Variants in MTMR12 observed in about 807,000 individuals in gnomAD.
MTMR12 encodes the protein myotubularin related protein 12, also known as myotubularin-related protein 12.
In MTMR12, 33 loss-of-function variants were observed where a neutral mutation model predicts 96.7. The observed-to-expected ratio is 0.34, with a 90% CI of 0.26 to 0.46. The LOEUF (loss-of-function observed/expected upper bound fraction) is 0.46. Among genes scored for constraint, MTMR12 ranks in the 20% least tolerant of loss-of-function variants. MTMR12 has a pLI of 1.00. For missense variants in MTMR12, 721 were observed against 896.1 expected, an observed-to-expected ratio of 0.80 and a Z score of 2.49; for synonymous variants, 298 against 327.2, an observed-to-expected ratio of 0.91 and a Z score of 0.96.
At chr5:32,265,836 T>C (rs1749568542) in intron 6 of MTMR12, among the ~76,000 whole-genome samples, 1 of 152,246 alleles carries the variant, frequency 6.6e-6, no homozygotes, top group Admixed American at 6.5e-5. Flanking sequence ...CAAGACTTAT[T>C]GCTGCTATTT....
In MTMR12 at chr5:32,271,837, A is replaced by G. The variant is rs760009328; in HGVS notation, c.354T>C (p.Tyr118=). 21 of 1,569,600 alleles carry G rather than the reference A, an allele frequency of 1.3e-5. No homozygotes were observed. Among genetic ancestry groups the G allele is most frequent in the East Asian group, 2.3e-5 (1 of 43,682 alleles). ...DITLHCVDQI[Y]GVFDEKKKTL... is the part of the protein sequence containing the mutation. ...CAGGGAAAAACAGATACTTACCTCC[A>G]TAAATCTGATCAACACAGTGGAGTG... The change falls in exon 4 of 16, where the codon TAT becomes TAC. Residue 118 remains tyrosine, a synonymous_variant. Transcript: ENST00000382142.
chr5:32,273,635 T>C (rs1327111694), intron 3 of MTMR12, among the ~76,000 whole-genome samples: 1 of 151,874 alleles, frequency 6.6e-6, no homozygotes, highest in Non-Finnish European at 1.5e-5. Context: ...GGGTGAGAAA[T>C]TTCTTAACGG....
intron 13 of MTMR12, 151 bp downstream of exon 13, chr5:32,238,850 A>G (rs1349284472): frequency 1.2e-6 from 1 of 814,142 alleles, no homozygotes; most frequent in African/African-American, 1.7e-5. Flanking sequence ...ATCCAAAGTC[A>G]TCACACAATG....
intron 3 of MTMR12, 39 bp from the exon 4 acceptor site, chr5:32,271,944 A>G (rs1354028921): frequency 1.6e-6 from 2 of 1,220,390 alleles, no homozygotes; most frequent in East Asian, 5.0e-5. Context: ...ACTCCTCTGC[A>G]TACTGTTAGA....
rs1006264664 is a variant in MTMR12 at position 32,228,642 on chromosome 5, A to G, written c.*1136T>C. 9.0e-5 allele frequency: 13 copies of G among 143,968 alleles called. No homozygotes were observed. The highest frequency in any genetic ancestry group is 1.5e-4 in the Non-Finnish European group (10 of 66,562). 8.9% of individuals were successfully genotyped at this position (143,968 alleles called of 1,614,324 possible). A position where few individuals can be genotyped will look rare whatever the true frequency, so the allele number is the denominator to read the frequency against. ...GATATATATATATCACATATATATCATATATATATCATTTAGACAGCAGAT... is the reference window on the plus strand; with the variant it reads ...GATATATATATATCACATATATATCGTATATATATCATTTAGACAGCAGAT... On this transcript the variant is annotated 3_prime_UTR_variant, in exon 16 of 16. Transcript: ENST00000382142.
intron 1 of MTMR12, among the ~76,000 whole-genome samples, chr5:32,281,936 A>G (rs1750311429): frequency 6.6e-6 from 1 of 151,638 alleles, no homozygotes; most frequent in South Asian, 2.1e-4. Flanking sequence ...GAGAGGAAGG[A>G]CCTGCTTGGG....
In MTMR12 at chr5:32,228,545, C is replaced by G. The variant is rs1438632126; in HGVS notation, c.*1233G>C. 31 of 130,754 alleles carry G rather than the reference C, an allele frequency of 2.4e-4. No homozygotes were observed. Among genetic ancestry groups the G allele is most frequent in the Middle Eastern group, 4.4e-3 (1 of 228 alleles). 8.1% of individuals were successfully genotyped at this position (130,754 alleles called of 1,614,324 possible). On this transcript the variant is annotated 3_prime_UTR_variant, in exon 16 of 16. Coordinates refer to ENST00000382142, the MANE Select transcript of MTMR12 (RefSeq NM_001040446.3). ...TATATCATATATATGATATATATAT[C>G]ATATATATGTGATATATATATATCA...
chr5:32,293,143 T>C (rs1750799587), intron 1 of MTMR12, among the ~76,000 whole-genome samples: 1 of 152,160 alleles, frequency 6.6e-6, no homozygotes, highest in Non-Finnish European at 1.5e-5. Flanking sequence ...GAGATGTGTA[T>C]GGGTTCAAGT....
intron 2 of MTMR12, among the ~76,000 whole-genome samples, chr5:32,274,733 G>GAA (rs1165833329): frequency 6.6e-6 from 1 of 152,094 alleles, no homozygotes; most frequent in Non-Finnish European, 1.5e-5. Flanking sequence ...GGTTTGTGGG[G>GAA]AAAAAACGTG....
Position 32,232,789 on chromosome 5 carries a change from C to T in MTMR12, c.1674+984G>A, listed in dbSNP as rs925867549. 4.6e-5 allele frequency among the ~76,000 whole-genome samples: 7 copies of T among 152,246 alleles called. No individual in the cohort carries two copies. In the South Asian group the frequency reaches 6.2e-4, roughly 13 times the overall value. On this transcript the variant is annotated intron_variant, in intron 15 of 15. Transcript: ENST00000382142. ...AAAGGGCAAAGTGGCCATTCTGAGT[C>T]GTTCAGCAGCCAACATCGTCTCTGC...
Position 32,233,675 on chromosome 5 carries a change from G to A in MTMR12, c.1674+98C>T, listed in dbSNP as rs1748094874. The A allele has an allele frequency of 6.6e-7, 1 of 1,525,152 alleles. No homozygotes were observed. 94.5% of individuals were successfully genotyped at this position (1,525,152 alleles called of 1,614,324 possible). On this transcript the variant is annotated intron_variant, in intron 15 of 15. Coordinates refer to ENST00000382142, the MANE Select transcript of MTMR12 (RefSeq NM_001040446.3). This position sits in a 1 kb window ranked among gnomAD's most constrained non-coding sequence, Gnocchi z 5.0. The stretch of plus-strand genomic sequence containing the variant: ...TCAACTCTGCAGACTGCTTCGAGGG[G>A]TAGAAAATGCTGGCAGACAGAATCC...
chr5:32,272,121 C>A (rs974040575), intron 3 of MTMR12, among the ~76,000 whole-genome samples: 1 of 151,916 alleles, frequency 6.6e-6, no homozygotes, highest in African/African-American at 2.4e-5. Flanking sequence ...GAAACCCCAT[C>A]TCTACTAAAA....
chr5:32,248,934 A>C, intron 8 of MTMR12, 56 bp from the exon 9 acceptor site: 1 of 1,353,502 alleles, frequency 7.4e-7, no homozygotes, highest in South Asian at 1.2e-5. Context: ...AACAGGGGAC[A>C]CATAAGCTTA....
At position 32,242,117 on chromosome 5, in the gene MTMR12, TC is replaced by T; in HGVS notation, c.1110del (p.Ala373GlnfsTer2). ...SSWLDIIRRC[L>X]KKAIEITECM... is the part of the protein sequence containing the mutation. ...CATTCTGTAATCTCTATTGCTTTTT[TC>T]AGGCAACGTCTGAATAGGAAAGAGA... On this transcript the variant is annotated frameshift_variant, in exon 12 of 16. Coordinates refer to ENST00000382142, the MANE Select transcript of MTMR12 (RefSeq NM_001040446.3). LOFTEE classifies it high-confidence loss of function. 1 of 1,612,578 alleles carries T rather than the reference TC, an allele frequency of 6.2e-7. No homozygotes were observed. The highest frequency in any genetic ancestry group is 8.5e-7 in the Non-Finnish European group (1 of 1,178,920).
At position 32,270,809 on chromosome 5, in the gene MTMR12, C is replaced by A; in HGVS notation, c.489+8G>T. 2.5e-6 allele frequency: 4 copies of A among 1,599,928 alleles called. 1 individual carries two copies. The highest frequency in any genetic ancestry group is 1.7e-4 in the Middle Eastern group (1 of 5,966). ...AAATAAAACCTAAAAACACATGCAA[C>A]TAGTTACCCTTTTGACTTCCTCTTC... is the stretch of plus-strand genomic sequence containing the variant. On this transcript the variant is annotated splice_region_variant and intron_variant, in intron 5 of 15. Transcript: ENST00000382142.
Position 32,289,643 on chromosome 5 carries a change from C to G in MTMR12, c.82-12901G>C, listed in dbSNP as rs142663894. Among the ~76,000 whole-genome samples, 791 of 152,294 alleles carry G rather than the reference C, an allele frequency of 5.2e-3. 9 individuals carry two copies. The highest frequency in any genetic ancestry group is 0.018 in the African/African-American group (759 of 41,574). On this transcript the variant is annotated intron_variant, in intron 1 of 15. Coordinates refer to ENST00000382142, the MANE Select transcript of MTMR12 (RefSeq NM_001040446.3). ...GCTTATGGAGGTCAGGTAATTAATG[C>G]AGTTTTAGCTCAGGTCTGACTTACA...
intron 10 of MTMR12, 63 bp downstream of exon 10, chr5:32,247,939 C>T: frequency 6.4e-7 from 1 of 1,571,720 alleles, no homozygotes; most frequent in Non-Finnish European, 8.7e-7. Flanking sequence ...CAACTTTCAC[C>T]TGATCTGCAT....
chr5:32,255,177 G>A (rs905734180), intron 8 of MTMR12, among the ~76,000 whole-genome samples: 2 of 152,158 alleles, frequency 1.3e-5, no homozygotes, highest in Non-Finnish European at 2.9e-5. Flanking sequence ...TGCAGGCCTG[G>A]CAATTCCCAA....
intron 2 of MTMR12, 121 bp from the exon 3 acceptor site, chr5:32,274,243 G>T: frequency 8.4e-7 from 1 of 1,195,234 alleles, no homozygotes; most frequent in Admixed American, 2.6e-5. Context: ...CAGGGCTTTA[G>T]AACTTTACAC....
Sources: gnomAD v4.1 joint callset for allele counts (sites outside exome capture counted in the v4.1 genomes callset) on GRCh38, gnomAD v4.1.1 for gene constraint, Gnocchi (gnomAD v3.1) non-coding constraint, MANE v1.5 for transcripts, NCBI Gene and HGNC (gene_info 2026-07-23, HGNC 2026-07-21) for gene names.